AQR: variants seen among roughly 807,000 people sequenced by gnomAD.
AQR encodes the protein RNA helicase aquarius.
AQR carries 61 observed loss-of-function variants against 180.5 expected under a neutral mutation model. That is an observed-to-expected ratio of 0.34 (90% CI 0.28 to 0.42). The LOEUF (loss-of-function observed/expected upper bound fraction) is 0.42. Among genes scored for constraint, AQR ranks in the 10% least tolerant of loss-of-function variants. The pLI is 1.00. For missense variants in AQR, 1,281 were observed against 1,798.3 expected (o/e 0.71, Z 5.20); for synonymous variants, 551 against 588.8 (o/e 0.94, Z 0.93).
At chr15:34,969,267 A>G (rs1269237421) in intron 1 of AQR, among the ~76,000 whole-genome samples, 2 of 152,134 alleles carry the variant, frequency 1.3e-5, no homozygotes, top group Non-Finnish European at 2.9e-5. Context: ...ACTCCAACAC[A>G]GCAAAACTCA....
At position 34,938,827 on chromosome 15, in the gene AQR, G is replaced by A. The variant is rs766439637; in HGVS notation, c.642-14C>T. The A allele has an allele frequency of 6.4e-7, 1 of 1,563,240 alleles. No homozygotes were observed. Among genetic ancestry groups the A allele is most frequent in the Admixed American group, 1.7e-5 (1 of 57,738 alleles). On this transcript the variant is annotated splice_polypyrimidine_tract_variant and intron_variant, in intron 8 of 34. Transcript: ENST00000156471. Reference sequence around the variant, plus strand: ...TCTTGATATGCCCTAAAATCAGAAAGAACATTGACCAATTATTTTTGAAGA... The same window carrying A: ...TCTTGATATGCCCTAAAATCAGAAAAAACATTGACCAATTATTTTTGAAGA...
chr15:34,942,251 C>T (rs1894034450), intron 6 of AQR, among the ~76,000 whole-genome samples, 171 bp from the exon 7 acceptor site: 1 of 152,110 alleles, frequency 6.6e-6, no homozygotes, highest in South Asian at 2.1e-4. Context: ...AGACTCCATC[C>T]TTATTATCTA....
chr15:34,895,179 A>C (rs1893216639), intron 22 of AQR, among the ~76,000 whole-genome samples: 1 of 50,138 alleles, frequency 2.0e-5, no homozygotes, highest in Non-Finnish European at 4.6e-5. Flanking sequence ...AAAAAAAAAA[A>C]AAAAAAAAAT....
rs1156661326 is a variant in AQR, at chr15:34,853,243, T to A, written c.*3549A>T. On this transcript the variant is annotated 3_prime_UTR_variant, in exon 35 of 35. Coordinates refer to ENST00000156471, the MANE Select transcript of AQR (RefSeq NM_014691.3). ...TCTGGCTTATGCAAAAGGGTCACTG[T>A]TTTTTTTTTTTTTTTAACTTTATCT... The A allele has an allele frequency of 9.7e-6, 1 of 102,680 alleles. No homozygotes were observed. Among genetic ancestry groups the A allele is most frequent in the Non-Finnish European group, 1.8e-5 (1 of 54,490 alleles). The allele number at this position is 102,680 out of a possible 1,614,324, so 6.4% of individuals were successfully genotyped here.
rs1177972471 is a variant in AQR at position 34,900,756 on chromosome 15, C to T, written c.2109G>A (p.Ser703=). ...GGGTGGCAATCTGATTGGGCATTTTCGAATAATGTGCACTACTTGGGTCCC... is the reference window on the plus strand; with the variant it reads ...GGGTGGCAATCTGATTGGGCATTTTTGAATAATGTGCACTACTTGGGTCCC... ...GYGDPSSAHY[S]KMPNQIATLD... Residue 703 remains serine (S), a synonymous_variant, in exon 20 of 35, where the codon TCG becomes TCA. Coordinates refer to ENST00000156471, the MANE Select transcript of AQR (RefSeq NM_014691.3). 17 of 1,613,998 alleles carry T rather than the reference C, an allele frequency of 1.1e-5. No homozygotes were observed. Among genetic ancestry groups the T allele is most frequent in the African/African-American group, 4.0e-5 (3 of 74,908 alleles).
intron 14 of AQR, among the ~76,000 whole-genome samples, chr15:34,918,704 T>C (rs996886861): frequency 6.6e-6 from 1 of 152,196 alleles, no homozygotes; most frequent in African/African-American, 2.4e-5. Flanking sequence ...TCCAATGAAA[T>C]ATGAAATAGT....
intron 26 of AQR, among the ~76,000 whole-genome samples, chr15:34,883,600 GA>G (rs1446682610): frequency 6.6e-6 from 1 of 152,046 alleles, no homozygotes; most frequent in Non-Finnish European, 1.5e-5. Flanking sequence ...ACTGTTCTAG[GA>G]AGTAGGTATG....
chr15:34,935,565 C>G (rs149568421), intron 9 of AQR, among the ~76,000 whole-genome samples: 2 of 152,254 alleles, frequency 1.3e-5, no homozygotes, highest in African/African-American at 4.8e-5. Context: ...AATGTGAATA[C>G]TTTTGTGATT....
At chr15:34,966,027 A>C (rs1030462128) in intron 1 of AQR, among the ~76,000 whole-genome samples, 6 of 152,196 alleles carry the variant, frequency 3.9e-5, no homozygotes, top group Admixed American at 2.6e-4. Context: ...TGTCTCAAAT[A>C]TCACGATCTC....
At chr15:34,884,503 C>A in intron 26 of AQR, 22 bp downstream of exon 26, 1 of 1,534,602 alleles carries the variant, frequency 6.5e-7, no homozygotes, top group South Asian at 1.2e-5. Flanking sequence ...AAGGGAAGTT[C>A]AAAGAACTTG....
rs539154713 is a variant in AQR, at chr15:34,895,480, C to A, written c.2460+1417G>T. ...TATAAGAAACTCACCTCAAATATAA[C>A]GACAAGTAGAAGTAAAATGACAGAA... On this transcript the variant is annotated intron_variant, in intron 22 of 34. Coordinates refer to ENST00000156471, the MANE Select transcript of AQR (RefSeq NM_014691.3). 1.6e-3 allele frequency among the ~76,000 whole-genome samples: 250 copies of A among 151,520 alleles called. 1 individual carries two copies. Among genetic ancestry groups the A allele is most frequent in the African/African-American group, 6.0e-3 (247 of 41,314 alleles).
chr15:34,915,250 G>A, intron 15 of AQR, 71 bp from the exon 16 acceptor site: 1 of 1,370,444 alleles, frequency 7.3e-7, no homozygotes, highest in Non-Finnish European at 9.6e-7. Flanking sequence ...TCTGTCACCT[G>A]CACAATCTCG....
rs781241946 is a variant in AQR at position 34,891,794 on chromosome 15, T to C, written c.2572-1470A>G. Among the ~76,000 whole-genome samples the C allele has an allele frequency of 4.6e-5, 7 of 152,242 alleles. No individual in the cohort carries two copies. In the East Asian group the frequency reaches 5.8e-4, roughly 13 times the overall value. On this transcript the variant is annotated intron_variant, in intron 23 of 34. Coordinates refer to ENST00000156471, the MANE Select transcript of AQR (RefSeq NM_014691.3). ...TTCTTTTATCAAGACAAAGTCCAAA[T>C]TGATCCCCCTTCAACTCCCACAAAT...
At chr15:34,917,845 G>A (rs1330526577) in intron 15 of AQR, among the ~76,000 whole-genome samples, 1 of 150,188 alleles carries the variant, frequency 6.7e-6, no homozygotes, top group Non-Finnish European at 1.5e-5. Flanking sequence ...AAAGCTGGGT[G>A]TGGTGGTGCA....
Position 34,915,164 on chromosome 15 carries a change from G to C in AQR, c.1358C>G (p.Pro453Arg), listed in dbSNP as rs201358907. ...YYSGEGCLAL[P>R]KLNLQFLTLH... ...AGTCAAAAACTGCAAATTCAATTTG[G>C]GAAGAGCAAGACAACCTGAAAAGGA... The change falls in exon 16 of 35, where the codon CCC (proline) becomes CGC (arginine). Residue 453 changes from proline (P) to arginine (R), a missense_variant. Around this residue, in one of 9 missense-constraint regions of AQR, gnomAD observed 200 missense variants for 293.4 expected, o/e 0.68. Transcript: ENST00000156471. 3.6e-5 allele frequency: 57 copies of C among 1,595,728 alleles called. No individual in the cohort carries two copies. Among genetic ancestry groups the C allele is most frequent in the Non-Finnish European group, 4.6e-5 (54 of 1,175,018 alleles).
rs71729170 is a variant in AQR, at chr15:34,855,530, CTTTTTTTT to C, written c.*1254_*1261del. On this transcript the variant is annotated 3_prime_UTR_variant, in exon 35 of 35. Coordinates refer to ENST00000156471, the MANE Select transcript of AQR (RefSeq NM_014691.3). ...CTCTACACATACATATAAACATTTC[CTTTTTTTT>C]TTTTTTTTTTCCAGTTCTGGGCACC... is the stretch of plus-strand genomic sequence containing the variant. The C allele has an allele frequency of 7.1e-6, 1 of 141,176 alleles. No homozygotes were observed. The highest frequency in any genetic ancestry group is 2.1e-4 in the East Asian group (1 of 4,864). 8.7% of individuals were successfully genotyped at this position (141,176 alleles called of 1,614,324 possible).
chr15:34,944,515 T>C (rs1894080667), intron 5 of AQR, 87 bp from the exon 6 acceptor site: 3 of 1,338,438 alleles, frequency 2.2e-6, no homozygotes, highest in South Asian at 1.6e-5. Flanking sequence ...TAGCAGTCTA[T>C]TAAAAAAACC....
chr15:34,873,708 G>T, intron 30 of AQR, 120 bp downstream of exon 30: 2 of 769,038 alleles, frequency 2.6e-6, no homozygotes, highest in East Asian at 2.7e-5. Flanking sequence ...CATATGCTAT[G>T]TGTAAGGTGG....
chr15:34,887,570 GGAA>G (rs1893082275), intron 24 of AQR, among the ~76,000 whole-genome samples: 1 of 152,116 alleles, frequency 6.6e-6, no homozygotes. Flanking sequence ...ACACAGTTAG[GGAA>G]GAAAGTAGTG....
Sources: allele counts gnomAD v4.1 joint callset (sites outside exome capture counted in the v4.1 genomes callset), GRCh38; gene constraint gnomAD v4.1.1; regional missense constraint gnomAD v4.1.1; transcripts MANE v1.5; gene names NCBI Gene and HGNC (gene_info 2026-07-23, HGNC 2026-07-21).